Variants in WDR41 observed in about 807,000 individuals in gnomAD.
WDR41 encodes the protein WD repeat-containing protein 41.
In WDR41, 63 loss-of-function variants were observed where a neutral mutation model predicts 69.3. That is an observed-to-expected ratio of 0.91 (90% CI 0.74 to 1.12). The LOEUF is 1.12. Ranked by LOEUF, WDR41 falls within the 50% of genes most tolerant of loss-of-function variation. The pLI is 0.00. For missense variants in WDR41, 543 were observed against 534.5 expected, an observed-to-expected ratio of 1.02 and a Z score of -0.16; for synonymous variants, 185 against 192.1, an observed-to-expected ratio of 0.96 and a Z score of 0.31.
intron 1 of WDR41, among the ~76,000 whole-genome samples, chr5:77,490,013 C>G (rs1395812665): frequency 6.6e-6 from 1 of 152,128 alleles, no homozygotes; most frequent in African/African-American, 2.4e-5. Flanking sequence ...TACAAGCACT[C>G]AATACATGCT....
At chr5:77,593,544 C>T (rs564180684) in intron 1 of WDR41, among the ~76,000 whole-genome samples, 3 of 152,134 alleles carry the variant, frequency 2.0e-5, no homozygotes, top group Non-Finnish European at 4.4e-5. Context: ...TACATAAGAA[C>T]ACAAGAAAAT....
intron 1 of WDR41, among the ~76,000 whole-genome samples, chr5:77,611,609 G>A (rs1436499754): frequency 1.2e-4 from 19 of 152,156 alleles, no homozygotes; most frequent in Admixed American, 4.6e-4. Flanking sequence ...TGAAACCAAC[G>A]AGAACAAGAA....
intron 1 of WDR41, among the ~76,000 whole-genome samples, chr5:77,596,706 T>C (rs997271741): frequency 6.6e-6 from 1 of 152,162 alleles, no homozygotes; most frequent in East Asian, 1.9e-4. Flanking sequence ...CACAGTTTTG[T>C]GCCATATGTA....
Position 77,522,135 on chromosome 5 carries a change from G to A in WDR41, c.43-32563C>T, listed in dbSNP as rs1423210311. On this transcript the variant is annotated intron_variant, in intron 1 of 5. Coordinates refer to the WDR41 transcript ENST00000509971. ...GACACTGACTTTGATATGCTTTCAAGTTCACACCTGTTTGTATTTAAGGGA... is the reference window on the plus strand; with the variant it reads ...GACACTGACTTTGATATGCTTTCAAATTCACACCTGTTTGTATTTAAGGGA... Among the ~76,000 whole-genome samples, 4 of 152,184 alleles carry A rather than the reference G, an allele frequency of 2.6e-5. 1 individual carries two copies. The East Asian group carries it at 5.8e-4, about 22-fold the overall frequency.
intron 1 of WDR41, among the ~76,000 whole-genome samples, chr5:77,616,551 C>G: frequency 6.6e-6 from 1 of 152,150 alleles, no homozygotes; most frequent in Non-Finnish European, 1.5e-5. Context: ...AAGACACTTG[C>G]TCTCCTGAAA....
rs1798752472 is a variant in WDR41 at position 77,432,289 on chromosome 5, A to AT, written c.*845dup. On this transcript the variant is annotated 3_prime_UTR_variant, in exon 13 of 13. Transcript: ENST00000296679. ...TTTTAGCACCAAAAGGAGAAAACAT[A>AT]TTGTTACAAGGCTGGTTATAGTGTC... 6.6e-6 allele frequency: 1 copy of AT among 152,198 alleles called. No individual in the cohort carries two copies. The allele number at this position is 152,198 out of a possible 1,614,324, so 9.4% of individuals were successfully genotyped here. A position where few individuals can be genotyped will look rare whatever the true frequency, so the allele number is the denominator to read the frequency against.
At chr5:77,451,107 T>A (rs917979518) in intron 7 of WDR41, among the ~76,000 whole-genome samples, 184 bp downstream of exon 7, 3 of 152,146 alleles carry the variant, frequency 2.0e-5, no homozygotes, top group African/African-American at 7.2e-5. Flanking sequence ...AAAACACTGA[T>A]AAGAAAAAGA....
At position 77,522,921 on chromosome 5, in the gene WDR41, C is replaced by T. The variant is rs192477181; in HGVS notation, c.43-33349G>A. On this transcript the variant is annotated intron_variant, in intron 1 of 5. Coordinates refer to the WDR41 transcript ENST00000509971. ...ATGTGTGGTGAGAAAATGAAGGTAA[C>T]AGGTGCAGAGCATTCCTTTGAAAAG... is the stretch of plus-strand genomic sequence containing the variant. Among the ~76,000 whole-genome samples, 477 of 152,244 alleles carry T rather than the reference C, an allele frequency of 3.1e-3. 10 individuals carry two copies. The highest frequency in any genetic ancestry group is 0.03 in the South Asian group (143 of 4,820).
intron 1 of WDR41, among the ~76,000 whole-genome samples, chr5:77,514,636 T>C (rs1016531916): frequency 5.3e-5 from 8 of 152,162 alleles, no homozygotes; most frequent in East Asian, 1.9e-4. Flanking sequence ...CAGTTAATGA[T>C]AGCGACACAT....
At chr5:77,529,558 C>G (rs1179126351) in intron 1 of WDR41, among the ~76,000 whole-genome samples, 1 of 151,410 alleles carries the variant, frequency 6.6e-6, no homozygotes, top group Non-Finnish European at 1.5e-5. Flanking sequence ...CCAAGATTAG[C>G]CAAGACAATC....
At chr5:77,509,920 A>G (rs1802172491) in intron 1 of WDR41, among the ~76,000 whole-genome samples, 1 of 152,178 alleles carries the variant, frequency 6.6e-6, no homozygotes, top group Non-Finnish European at 1.5e-5. Flanking sequence ...TTGTCATTGA[A>G]TCTTGCAACT....
intron 1 of WDR41, among the ~76,000 whole-genome samples, chr5:77,489,972 A>G (rs1386116601): frequency 6.6e-6 from 1 of 152,248 alleles, no homozygotes; most frequent in Non-Finnish European, 1.5e-5. Flanking sequence ...CAAATCAAAG[A>G]CATAAAATAG....
At chr5:77,478,303 G>A (rs1283159938) in intron 2 of WDR41, among the ~76,000 whole-genome samples, 5 of 152,116 alleles carry the variant, frequency 3.3e-5, no homozygotes, top group Non-Finnish European at 5.9e-5. Context: ...GTAAAAGAGG[G>A]AATCCTCCCT....
chr5:77,547,479 A>G (rs908239612), intron 1 of WDR41, among the ~76,000 whole-genome samples: 4 of 151,960 alleles, frequency 2.6e-5, no homozygotes, highest in African/African-American at 9.7e-5. Context: ...ACCAACGGTG[A>G]CCAAGCTGAG....
In WDR41 at chr5:77,437,348, G is replaced by A. The variant is rs1798979705; in HGVS notation, c.1081C>T (p.Pro361Ser). The A allele has an allele frequency of 1.2e-6, 2 of 1,613,468 alleles. No homozygotes were observed. Among genetic ancestry groups the A allele is most frequent in the Admixed American group, 1.7e-5 (1 of 60,006 alleles). Residue 361 changes from proline to serine, a missense_variant, in exon 11 of 13, where the codon CCT becomes TCT. Transcript: ENST00000296679. ...AGAAGACACACACCTGTTGGTACAG[G>A]CTCAGCTGCAAGCTGCTGTTTTTCT... Reference protein sequence around the residue: ...LREKQQLAAEPVPTGFFNMWG... With the variant: ...LREKQQLAAESVPTGFFNMWG...
intron 2 of WDR41, among the ~76,000 whole-genome samples, chr5:77,487,437 C>A (rs1445097768): frequency 6.6e-6 from 1 of 152,146 alleles, no homozygotes; most frequent in African/African-American, 2.4e-5. Context: ...AAAAAAAAGG[C>A]TGCAGATGAT....
intron 1 of WDR41, among the ~76,000 whole-genome samples, chr5:77,580,949 C>A (rs1163211629): frequency 6.6e-6 from 1 of 151,322 alleles, no homozygotes. Flanking sequence ...GAGCAAGACT[C>A]CGTCTCAAAA....
chr5:77,482,949 C>T (rs1801346248), intron 2 of WDR41, among the ~76,000 whole-genome samples: 1 of 151,856 alleles, frequency 6.6e-6, no homozygotes. Flanking sequence ...GGATAACAAC[C>T]TTTATCACAG....
At chr5:77,585,966 G>A (rs966497084) in intron 1 of WDR41, among the ~76,000 whole-genome samples, 1 of 151,782 alleles carries the variant, frequency 6.6e-6, no homozygotes, top group African/African-American at 2.4e-5. Flanking sequence ...AATAACTTAT[G>A]GAAAAAATAC....
Sources: allele counts gnomAD v4.1 joint callset (sites outside exome capture counted in the v4.1 genomes callset), GRCh38; gene constraint gnomAD v4.1.1; transcripts MANE v1.5; gene names NCBI Gene and HGNC (gene_info 2026-07-23, HGNC 2026-07-21).